Variants in NUP210 observed in about 807,000 individuals in gnomAD.
NUP210 encodes the protein nucleoporin 210.
NUP210 carries 151 observed loss-of-function variants against 196.0 expected under a neutral mutation model. That is an observed-to-expected ratio of 0.77 (90% CI 0.67 to 0.88). NUP210 has a LOEUF of 0.88. Ranked by LOEUF, NUP210 falls within the 40% of genes least tolerant of loss-of-function variation. The probability of loss-of-function intolerance (pLI) is 0.00; values close to 1 mark genes in which losing one functional copy is unlikely to be tolerated. For missense variants in NUP210, 2,314 were observed against 2,493.7 expected, an observed-to-expected ratio of 0.93 and a Z score of 1.53; for synonymous variants, 1,070 against 1,052.7, an observed-to-expected ratio of 1.02 and a Z score of -0.32.
chr3:13,327,394 A>G lies in NUP210; in HGVS notation c.4330T>C (p.Cys1444Arg). 1 of 1,613,246 alleles carries G rather than the reference A, an allele frequency of 6.2e-7. No homozygotes were observed. The highest frequency in any genetic ancestry group is 1.7e-4 in the Middle Eastern group (1 of 6,002). ...QIGKGPTNNT[C>R]VVRTVSVGLT... ...CCCACGCTGACTGTGCGGACAACGC[A>G]GGTGTTGTTGGTGGGGCCCTTCCCG... The change falls in exon 32 of 40, where the codon TGC becomes CGC. Residue 1444 changes from cysteine to arginine, a missense_variant. Coordinates refer to ENST00000254508, the MANE Select transcript of NUP210 (RefSeq NM_024923.4).
chr3:13,332,387 G>A lies in NUP210; in HGVS notation c.3844-3C>T, dbSNP rs766222548. The A allele has an allele frequency of 3.7e-6, 6 of 1,609,786 alleles. No homozygotes were observed. The Admixed American group carries it at 1.0e-4, about 27-fold the overall frequency. ...AGCAGCTGCAGCTTCTCAAACACCTGCAAGAGAGGGCAAGTTTCACTTCCG... is the reference window on the plus strand; with the variant it reads ...AGCAGCTGCAGCTTCTCAAACACCTACAAGAGAGGGCAAGTTTCACTTCCG... On this transcript the variant is annotated splice_region_variant and splice_polypyrimidine_tract_variant and intron_variant, in intron 28 of 39. Coordinates refer to ENST00000254508, the MANE Select transcript of NUP210 (RefSeq NM_024923.4).
At position 13,353,584 on chromosome 3, in the gene NUP210, G is replaced by A. The variant is rs758789160; in HGVS notation, c.2598C>T (p.Ser866=). 6.2e-7 allele frequency: 1 copy of A among 1,614,110 alleles called. No individual in the cohort carries two copies. The highest frequency in any genetic ancestry group is 1.7e-5 in the Admixed American group (1 of 60,020). The change falls in exon 18 of 40, where the codon TCC becomes TCT. Residue 866 remains serine, a synonymous_variant. Transcript: ENST00000254508. ...GCTTTGTTCTGGCAGAGCTGAGGTG[G>A]GACTCCTGGTAGCCAGTGGCAGTGG... The part of the protein sequence containing the change: ...ITATATGYQE[S]HLSSARTKQP...
chr3:13,387,062 G>A (rs1456653347), intron 5 of NUP210, among the ~76,000 whole-genome samples: 5 of 152,246 alleles, frequency 3.3e-5, no homozygotes, highest in Non-Finnish European at 7.3e-5. Flanking sequence ...CACAGCAAAT[G>A]ATTCTTGTCC....
chr3:13,413,016 C>A (rs1435402971), intron 1 of NUP210, among the ~76,000 whole-genome samples: 2 of 149,546 alleles, frequency 1.3e-5, no homozygotes, highest in African/African-American at 2.5e-5. Context: ...CCTGTAATCC[C>A]AGCACTTTGG....
Position 13,369,528 on chromosome 3 carries a change from T to C in NUP210, c.1786+2306A>G, listed in dbSNP as rs989698391. Among the ~76,000 whole-genome samples, 5 of 152,230 alleles carry C rather than the reference T, an allele frequency of 3.3e-5. No homozygotes were observed. The South Asian group carries it at 1.0e-3, about 31-fold the overall frequency. On this transcript the variant is annotated intron_variant, in intron 13 of 39. Coordinates refer to ENST00000254508, the MANE Select transcript of NUP210 (RefSeq NM_024923.4). ...CTGAAGCTTTCCTCCAGTTTTCTTTTAGAAGTTTTATAGTTTTCAATTTTA... is the reference window on the plus strand; with the variant it reads ...CTGAAGCTTTCCTCCAGTTTTCTTTCAGAAGTTTTATAGTTTTCAATTTTA...
At chr3:13,334,018 G>C (rs1305862951) in intron 28 of NUP210, among the ~76,000 whole-genome samples, 1 of 152,180 alleles carries the variant, frequency 6.6e-6, no homozygotes, top group East Asian at 1.9e-4. Flanking sequence ...GCTTCTCATT[G>C]CCTGCTGATT....
At position 13,357,240 on chromosome 3, in the gene NUP210, C is replaced by T. The variant is rs573193674; in HGVS notation, c.2328+982G>A. On this transcript the variant is annotated intron_variant, in intron 16 of 39. Coordinates refer to ENST00000254508, the MANE Select transcript of NUP210 (RefSeq NM_024923.4). The stretch of plus-strand genomic sequence containing the variant: ...ATGAGCCAGGGTCTGCTCTAGGACT[C>T]GCAAAGAATCAATGGAGTGAGTTCC... 1.2e-4 allele frequency among the ~76,000 whole-genome samples: 19 copies of T among 152,324 alleles called. 1 individual carries two copies. The South Asian group carries it at 3.1e-3, about 25-fold the overall frequency.
intron 10 of NUP210, 47 bp downstream of exon 10, chr3:13,376,244 G>A: frequency 6.2e-7 from 1 of 1,605,170 alleles, no homozygotes; most frequent in Non-Finnish European, 8.5e-7. Context: ...GCCTACAGAG[G>A]GTGGCTTCAT....
rs1229895959 is a variant in NUP210, at chr3:13,355,229, C to A, written c.2329-1122G>T. Among the ~76,000 whole-genome samples the A allele has an allele frequency of 2.6e-5, 4 of 152,252 alleles. No homozygotes were observed. In the South Asian group the frequency reaches 8.3e-4, roughly 32 times the overall value. On this transcript the variant is annotated intron_variant, in intron 16 of 39. Transcript: ENST00000254508. ...TCACAAACAGGGCTAGTTTTCCATT[C>A]GGGGAGAGGGGGATCCTGCAGGAAG...
intron 20 of NUP210, 39 bp from the exon 21 acceptor site, chr3:13,343,342 G>GGGGGGGGGGGGGGGGGGT: frequency 4.6e-6 from 3 of 655,992 alleles, no homozygotes; most frequent in Admixed American, 2.5e-5. Flanking sequence ...TGGGTGGTGG[G>GGGGGGGGGGGGGGGGGGT]TTACGCAGCT....
Position 13,340,341 on chromosome 3 carries a change from C to A in NUP210, c.3229-43G>T. On this transcript the variant is annotated intron_variant, in intron 23 of 39. Coordinates refer to ENST00000254508, the MANE Select transcript of NUP210 (RefSeq NM_024923.4). The surrounding 1 kb of genome is among the most constrained non-coding windows in gnomAD (Gnocchi z 4.0). The stretch of plus-strand genomic sequence containing the variant: ...AGAGAAAGGACTACTGTGCCCCAAG[C>A]CCATGGCGCCAAGCATAACTCACAC... The A allele has an allele frequency of 6.4e-7, 1 of 1,559,268 alleles. No homozygotes were observed. The highest frequency in any genetic ancestry group is 8.8e-7 in the Non-Finnish European group (1 of 1,131,472).
At chr3:13,390,215 GGT>G (rs1041265046) in intron 4 of NUP210, among the ~76,000 whole-genome samples, 10 of 152,280 alleles carry the variant, frequency 6.6e-5, no homozygotes, top group Admixed American at 5.9e-4. Context: ...AAATCATCAG[GGT>G]GACGGGACAT....
chr3:13,343,089 C>T (rs1697577757), intron 21 of NUP210, 86 bp downstream of exon 21: 3 of 1,521,404 alleles, frequency 2.0e-6, no homozygotes, highest in Admixed American at 3.4e-5. Context: ...AAAGCAAAGG[C>T]CATGCGGAAC....
At position 13,321,585 on chromosome 3, in the gene NUP210, C is replaced by G; in HGVS notation, c.5166G>C (p.Glu1722Asp). The change falls in exon 36 of 40, where the codon GAG (glutamate) becomes GAC (aspartate). Residue 1722 changes from glutamate (E) to aspartate (D), a missense_variant and splice_region_variant. Physicochemically the swap from Glu to Asp is conservative, Grantham distance 45. Transcript: ENST00000254508. Reference sequence around the variant, plus strand: ...CCTGAGGCATGCAGATGCCACTCACCTCCAAGTTCTCCAGAACCTCCGGGG... The same window carrying G: ...CCTGAGGCATGCAGATGCCACTCACGTCCAAGTTCTCCAGAACCTCCGGGG... ...FGAPEVLENL[E>D]VKSGSPAVLA... The G allele has an allele frequency of 6.2e-7, 1 of 1,612,796 alleles. No homozygotes were observed. Among genetic ancestry groups the G allele is most frequent in the Non-Finnish European group, 8.5e-7 (1 of 1,178,770 alleles).
At chr3:13,352,036 C>A in intron 19 of NUP210, 44 bp downstream of exon 19, 1 of 1,603,990 alleles carries the variant, frequency 6.2e-7, no homozygotes, top group Non-Finnish European at 8.5e-7. Flanking sequence ...CGAGGAGTCC[C>A]CCCGTGGGTC....
chr3:13,325,134 C>T (rs576256074), intron 33 of NUP210, among the ~76,000 whole-genome samples: 1 of 152,176 alleles, frequency 6.6e-6, no homozygotes, highest in Non-Finnish European at 1.5e-5. Flanking sequence ...CTGTTCCAGC[C>T]CCCGAGGCTC....
At chr3:13,368,868 T>C (rs1033588359) in intron 13 of NUP210, among the ~76,000 whole-genome samples, 1 of 152,238 alleles carries the variant, frequency 6.6e-6, no homozygotes, top group Non-Finnish European at 1.5e-5. Context: ...TTTTGGCTAT[T>C]GTGAATAACA....
At chr3:13,346,823 G>C (rs150369099) in intron 20 of NUP210, among the ~76,000 whole-genome samples, 1 of 152,198 alleles carries the variant, frequency 6.6e-6, no homozygotes, top group Non-Finnish European at 1.5e-5. Context: ...AGTGCCAAGC[G>C]AGTGTGCCCC....
intron 11 of NUP210, 138 bp from the exon 12 acceptor site, chr3:13,374,011 T>TGAGTGTGA: frequency 1.0e-6 from 1 of 988,030 alleles, no homozygotes; most frequent in Non-Finnish European, 1.5e-6. Context: ...GGTTCACCCA[T>TGAGTGTGA]GCACACACTC....
Sources: allele counts gnomAD v4.1 joint callset (sites outside exome capture counted in the v4.1 genomes callset), GRCh38; gene constraint gnomAD v4.1.1; non-coding constraint Gnocchi (gnomAD v3.1); transcripts MANE v1.5; gene names NCBI Gene and HGNC (gene_info 2026-07-23, HGNC 2026-07-21).